The following PLRG1 variants were observed in gnomAD, a reference collection of about 807,000 sequenced individuals.
PLRG1 encodes the protein pleiotropic regulator 1, also known as pleiotropic regulator 1 (PRL1 homolog, Arabidopsis).
In PLRG1, 28 loss-of-function variants were observed where a neutral mutation model predicts 74.9. That is an observed-to-expected ratio of 0.37 (90% CI 0.28 to 0.51). The LOEUF (loss-of-function observed/expected upper bound fraction) is 0.51. PLRG1 is among the 20% of genes least tolerant of loss of function. The pLI is 0.91. For missense variants in PLRG1, 445 were observed against 631.9 expected (o/e 0.70, Z 3.17); for synonymous variants, 197 against 212.4 (o/e 0.93, Z 0.63).
rs556246514 is a variant in PLRG1, at chr4:154,547,505, T to C, written c.259+206A>G. 25 of 587,008 alleles carry C rather than the reference T, an allele frequency of 4.3e-5. No homozygotes were observed. In the South Asian group the frequency reaches 5.4e-4, roughly 13 times the overall value. 36.4% of individuals were successfully genotyped at this position (587,008 alleles called of 1,614,324 possible). A position where few individuals can be genotyped will look rare whatever the true frequency, so the allele number is the denominator to read the frequency against. On this transcript the variant is annotated intron_variant, in intron 3 of 14. Coordinates refer to ENST00000499023, the MANE Select transcript of PLRG1 (RefSeq NM_002669.4). ...ACACTCTAAGAATCTCTGCCATCAT[T>C]ATACTACCATTTTTATTTCCTATAA... is the stretch of plus-strand genomic sequence containing the variant.
intron 8 of PLRG1, 35 bp from the exon 9 acceptor site, chr4:154,540,969 T>C: frequency 6.6e-7 from 1 of 1,521,528 alleles, no homozygotes; most frequent in Non-Finnish European, 8.8e-7. Context: ...TTTCTTTCAC[T>C]GGTTACTGCA....
chr4:154,549,434 A>G (rs1729719039), intron 1 of PLRG1, among the ~76,000 whole-genome samples: 1 of 152,218 alleles, frequency 6.6e-6, no homozygotes, highest in South Asian at 2.1e-4. Flanking sequence ...CAGAGGTAAG[A>G]ACGAACCAGG....
intron 4 of PLRG1, 109 bp from the exon 5 acceptor site, chr4:154,546,322 G>T: frequency 1.6e-6 from 1 of 642,852 alleles, no homozygotes. Context: ...ATTATCTCCA[G>T]GCAGTGATAT....
chr4:154,535,378 T>C lies in PLRG1; in HGVS notation c.*1307A>G, dbSNP rs904474650. 3.3e-5 allele frequency: 5 copies of C among 151,846 alleles called. No individual in the cohort carries two copies. Among genetic ancestry groups the C allele is most frequent in the Admixed American group, 2.6e-4 (4 of 15,192 alleles). The allele number at this position is 151,846 out of a possible 1,614,324, so 9.4% of individuals were successfully genotyped here. A position where few individuals can be genotyped will look rare whatever the true frequency, so the allele number is the denominator to read the frequency against. Reference sequence around the variant, plus strand: ...GTGCAATGACTTTGCTTGTGTACACTTGTCAGATCATTCCCATTAGGCAGT... The same window carrying C: ...GTGCAATGACTTTGCTTGTGTACACCTGTCAGATCATTCCCATTAGGCAGT... On this transcript the variant is annotated 3_prime_UTR_variant, in exon 15 of 15. Coordinates refer to ENST00000499023, the MANE Select transcript of PLRG1 (RefSeq NM_002669.4).
chr4:154,548,895 G>A lies in PLRG1; in HGVS notation c.50C>T (p.Ser17Leu). The A allele has an allele frequency of 6.2e-7, 1 of 1,609,262 alleles. No homozygotes were observed. Among genetic ancestry groups the A allele is most frequent in the Middle Eastern group, 1.7e-4 (1 of 6,048 alleles). Reference protein sequence around the residue: ...KHSVHTLVFRSLKRTHDMFVA... With the variant: ...KHSVHTLVFRLLKRTHDMFVA... Reference sequence around the variant, plus strand: ...AAACATGTCATGGGTCCTCTTCAACGACCTGAACACAAGGGTGTGTACAGA... The same window carrying A: ...AAACATGTCATGGGTCCTCTTCAACAACCTGAACACAAGGGTGTGTACAGA... Residue 17 changes from serine to leucine, a missense_variant, in exon 2 of 15, where the codon TCG (serine) becomes TTG (leucine). By Grantham distance (145) the Ser-to-Leu change is moderately radical (BLOSUM62 -2). Transcript: ENST00000499023.
Position 154,537,961 on chromosome 4 carries a change from T to G in PLRG1, c.1291+8A>C, listed in dbSNP as rs1469417451. On this transcript the variant is annotated splice_region_variant and intron_variant, in intron 13 of 14. Transcript: ENST00000499023. The stretch of plus-strand genomic sequence containing the variant: ...CTAAACATATTTATTATAAAAATCT[T>G]ATTTTACCTCCAGATACAAGCACTC... 2 of 1,414,688 alleles carry G rather than the reference T, an allele frequency of 1.4e-6. No homozygotes were observed. The highest frequency in any genetic ancestry group is 4.9e-4 in the Middle Eastern group (2 of 4,074). 87.6% of individuals were successfully genotyped at this position (1,414,688 alleles called of 1,614,324 possible). A position where few individuals can be genotyped will look rare whatever the true frequency, so the allele number is the denominator to read the frequency against.
intron 3 of PLRG1, 66 bp downstream of exon 3, chr4:154,547,645 A>G: frequency 4.1e-6 from 6 of 1,461,520 alleles, no homozygotes; most frequent in Non-Finnish European, 4.8e-6. Flanking sequence ...CAAAAATAAC[A>G]TATTTTATTT....
rs1729743035 is a variant in PLRG1 at position 154,550,355 on chromosome 4, C to G, written c.-47G>C. ...TCCGGCAGGGAAGAAACTCTAATCA[C>G]TAACGCAGTACCCGCCGCCACAGCT... On this transcript the variant is annotated 5_prime_UTR_variant, in exon 1 of 15. Transcript: ENST00000499023. The G allele has an allele frequency of 6.3e-7, 1 of 1,591,546 alleles. No individual in the cohort carries two copies. Among genetic ancestry groups the G allele is most frequent in the Non-Finnish European group, 8.6e-7 (1 of 1,159,756 alleles).
At chr4:154,549,807 A>G (rs1729725721) in intron 1 of PLRG1, 2 of 456,934 alleles carry the variant, frequency 4.4e-6, no homozygotes, top group Non-Finnish European at 8.8e-6. Context: ...AATGGAATCA[A>G]TAAACATGTG....
chr4:154,543,008 G>A (rs1409116386), intron 7 of PLRG1, among the ~76,000 whole-genome samples: 1 of 152,076 alleles, frequency 6.6e-6, no homozygotes. Context: ...TAGTTAGCTT[G>A]GTAGCACAAT....
intron 7 of PLRG1, among the ~76,000 whole-genome samples, chr4:154,543,707 T>G (rs1729596615): frequency 6.6e-6 from 1 of 152,216 alleles, no homozygotes; most frequent in Admixed American, 6.5e-5. Context: ...TCAATACATC[T>G]ATTACAATTC....
In PLRG1 at chr4:154,537,425, C is replaced by G. The variant is rs1357815749; in HGVS notation, c.1346G>C (p.Arg449Thr). 1 of 1,613,388 alleles carries G rather than the reference C, an allele frequency of 6.2e-7. No individual in the cohort carries two copies. Among genetic ancestry groups the G allele is most frequent in the East Asian group, 2.2e-5 (1 of 44,876 alleles). The stretch of plus-strand genomic sequence containing the variant: ...CCCAGGTTGCACAGCTGCGTGAACT[C>G]TCTGAAAATTGTAGCCAGTTCTCCA... The part of the protein sequence containing the change: ...WDWRTGYNFQ[R>T]VHAAVQPGSL... The change falls in exon 14 of 15, where the codon AGA becomes ACA. Residue 449 changes from arginine to threonine, a missense_variant. Physicochemically the swap from Arg to Thr is moderately conservative, Grantham distance 71. Transcript: ENST00000499023.
rs777656506 is a variant in PLRG1 at position 154,544,547 on chromosome 4, C to G, written c.493-1G>C. 7.1e-6 allele frequency: 11 copies of G among 1,548,554 alleles called. No homozygotes were observed. The highest frequency in any genetic ancestry group is 1.4e-5 in the African/African-American group (1 of 73,712). On this transcript the variant is annotated splice_acceptor_variant, in intron 6 of 14. Coordinates refer to ENST00000499023, the MANE Select transcript of PLRG1 (RefSeq NM_002669.4). LOFTEE classifies it high-confidence loss of function. ...TGGTATTGCCAGTCTCCATGACAAT[C>G]TAGACATAGAAGAGACATTATTATT... is the stretch of plus-strand genomic sequence containing the variant.
chr4:154,537,504 C>G (rs1020784517), intron 13 of PLRG1, 25 bp from the exon 14 acceptor site: 21 of 1,534,610 alleles, frequency 1.4e-5, no homozygotes, highest in Non-Finnish European at 1.8e-5. Flanking sequence ...TCTAGTTACA[C>G]CTGGTATCCC....
Position 154,548,830 on chromosome 4 carries a change from T to A in PLRG1, c.115A>T (p.Ser39Cys). The A allele has an allele frequency of 1.3e-6, 2 of 1,534,878 alleles. No individual in the cohort carries two copies. Among genetic ancestry groups the A allele is most frequent in the Non-Finnish European group, 1.8e-6 (2 of 1,110,838 alleles). Residue 39 changes from serine (S) to cysteine (C), a missense_variant and splice_region_variant, in exon 2 of 15, where the codon AGT becomes TGT. Coordinates refer to ENST00000499023, the MANE Select transcript of PLRG1 (RefSeq NM_002669.4). ...NGKPVPLDEE[S>C]HKRKMAIKLR... is the part of the protein sequence containing the mutation. ...TTGAAAAAAAAAAACTACACCAACC[T>A]CTCTTCATCTAAAGGCACAGGTTTT... is the stretch of plus-strand genomic sequence containing the variant.
At chr4:154,550,080 C>T (rs914913158) in intron 1 of PLRG1, among the ~76,000 whole-genome samples, 2 of 152,238 alleles carry the variant, frequency 1.3e-5, no homozygotes, top group Admixed American at 6.5e-5. Context: ...GACGAATTAT[C>T]TCAGGCTTCG....
intron 3 of PLRG1, 22 bp from the exon 4 acceptor site, chr4:154,547,086 C>T (rs1729671888): frequency 6.3e-7 from 1 of 1,576,744 alleles, no homozygotes; most frequent in Non-Finnish European, 8.7e-7. Context: ...CAAAAAAAAT[C>T]AACAGTAGTG....
chr4:154,549,333 C>T (rs904170653), intron 1 of PLRG1, among the ~76,000 whole-genome samples: 7 of 152,150 alleles, frequency 4.6e-5, no homozygotes, highest in Non-Finnish European at 7.3e-5. Context: ...ACAAGCAAGG[C>T]GCTGAGTCAG....
At chr4:154,548,616 G>C (rs1478251463) in intron 2 of PLRG1, among the ~76,000 whole-genome samples, 1 of 151,798 alleles carries the variant, frequency 6.6e-6, no homozygotes, top group Non-Finnish European at 1.5e-5. Context: ...TTAATTACTG[G>C]GTATTTGTAA....
Sources: allele counts gnomAD v4.1 joint callset (sites outside exome capture counted in the v4.1 genomes callset), GRCh38; gene constraint gnomAD v4.1.1; transcripts MANE v1.5; gene names NCBI Gene and HGNC (gene_info 2026-07-23, HGNC 2026-07-21).